Variants in CWC27 observed in about 807,000 individuals in gnomAD.
The protein encoded by CWC27 is spliceosome-associated protein CWC27 homolog.
CWC27 carries 47 observed loss-of-function variants against 63.6 expected under a neutral mutation model. The ratio of observed to expected loss-of-function variants is 0.74; its 90% CI spans 0.58 to 0.94. The LOEUF is 0.94. Ranked by LOEUF, CWC27 falls within the 40% of genes least tolerant of loss-of-function variation. The pLI is 0.00. For missense variants in CWC27, 495 were observed against 554.3 expected (o/e 0.89, Z 1.07); for synonymous variants, 175 against 179.8 (o/e 0.97, Z 0.22).
intron 1 of CWC27, among the ~76,000 whole-genome samples, chr5:64,771,792 A>G (rs1448793380): frequency 6.6e-6 from 1 of 152,214 alleles, no homozygotes; most frequent in East Asian, 1.9e-4. Context: ...AAGAGAATGT[A>G]TGGCCAGAGG....
rs773105523 is a variant in CWC27 at position 65,018,345 on chromosome 5, C to A, written c.*24C>A. The A allele has an allele frequency of 6.4e-7, 1 of 1,568,786 alleles. No homozygotes were observed. Among genetic ancestry groups the A allele is most frequent in the Admixed American group, 1.9e-5 (1 of 52,300 alleles). On this transcript the variant is annotated 3_prime_UTR_variant, in exon 14 of 14. Coordinates refer to ENST00000381070, the MANE Select transcript of CWC27 (RefSeq NM_005869.4). ...AAAATGAGAATAATGATAACCAGAA[C>A]TTGCTGGAAATGTGCCTACAATGGC... is the stretch of plus-strand genomic sequence containing the variant.
intron 1 of CWC27, among the ~76,000 whole-genome samples, chr5:64,771,066 C>T (rs1298960645): frequency 6.6e-6 from 1 of 152,096 alleles, no homozygotes; most frequent in Non-Finnish European, 1.5e-5. Flanking sequence ...TGTTTAATTA[C>T]AAAATGTGAT....
At chr5:64,860,432 C>T (rs887703221) in intron 10 of CWC27, among the ~76,000 whole-genome samples, 1 of 152,138 alleles carries the variant, frequency 6.6e-6, no homozygotes, top group African/African-American at 2.4e-5. Flanking sequence ...ATGAACTGCC[C>T]TTGGTTTGAT....
At chr5:64,787,854 C>G (rs1189995312) in intron 6 of CWC27, among the ~76,000 whole-genome samples, 1 of 152,056 alleles carries the variant, frequency 6.6e-6, no homozygotes, top group Non-Finnish European at 1.5e-5. Flanking sequence ...ATTAAACTTT[C>G]TAAGCTTCAG....
intron 11 of CWC27, among the ~76,000 whole-genome samples, chr5:64,918,295 T>C (rs745726237): frequency 6.6e-6 from 1 of 152,160 alleles, no homozygotes; most frequent in Non-Finnish European, 1.5e-5. Context: ...ATTGGGAAGA[T>C]GTGGTCAAAG....
At chr5:64,911,889 A>G (rs939219183) in intron 11 of CWC27, among the ~76,000 whole-genome samples, 6 of 152,054 alleles carry the variant, frequency 3.9e-5, no homozygotes, top group Non-Finnish European at 8.8e-5. Flanking sequence ...CCTGGCTAAC[A>G]TGGTGAAACC....
rs1163117073 is a variant in CWC27 at position 64,928,560 on chromosome 5, G to A, written c.1042+43014G>A. ...TTCTTTGTAAGTAAGTGGGAAAAAA[G>A]CCAAGTGCACAACAAAGTGTGACAC... is the stretch of plus-strand genomic sequence containing the variant. On this transcript the variant is annotated intron_variant, in intron 11 of 13. Coordinates refer to ENST00000381070, the MANE Select transcript of CWC27 (RefSeq NM_005869.4). 2.0e-5 allele frequency among the ~76,000 whole-genome samples: 3 copies of A among 151,288 alleles called. No homozygotes were observed. In the South Asian group the frequency reaches 6.2e-4, roughly 31 times the overall value.
intron 10 of CWC27, among the ~76,000 whole-genome samples, chr5:64,822,651 A>T (rs1170621712): frequency 6.6e-6 from 1 of 152,184 alleles, no homozygotes; most frequent in Middle Eastern, 3.2e-3. Context: ...TGTATAATAA[A>T]CTGTAAATAC....
At chr5:64,909,778 A>T (rs143388128) in intron 11 of CWC27, among the ~76,000 whole-genome samples, 78 of 152,304 alleles carry the variant, frequency 5.1e-4, no homozygotes, top group Middle Eastern at 3.4e-3. Flanking sequence ...CAGCTCCTTC[A>T]GGGCATTTAA....
chr5:64,796,413 C>A (rs527840250), intron 7 of CWC27, among the ~76,000 whole-genome samples: 16 of 152,128 alleles, frequency 1.1e-4, no homozygotes, highest in African/African-American at 3.9e-4. Context: ...AATACACAGG[C>A]TGGAAACTCA....
intron 1 of CWC27, among the ~76,000 whole-genome samples, chr5:64,769,942 GTC>G (rs1417080000): frequency 1.3e-5 from 2 of 152,162 alleles, no homozygotes; most frequent in Non-Finnish European, 2.9e-5. Context: ...AGGCAGAAGA[GTC>G]TGTTGTGGAA....
chr5:64,859,756 T>C (rs1293227140), intron 10 of CWC27, among the ~76,000 whole-genome samples: 1 of 152,194 alleles, frequency 6.6e-6, no homozygotes, highest in Non-Finnish European at 1.5e-5. Flanking sequence ...TTTCTTAAGA[T>C]CCTCTCCTAT....
At chr5:65,008,373 A>G (rs1364408296) in intron 13 of CWC27, among the ~76,000 whole-genome samples, 1 of 152,240 alleles carries the variant, frequency 6.6e-6, no homozygotes, top group African/African-American at 2.4e-5. Flanking sequence ...CCAGTCAGAT[A>G]GATGCCTAAG....
chr5:64,905,942 C>A (rs1292007541), intron 11 of CWC27, among the ~76,000 whole-genome samples: 1 of 152,004 alleles, frequency 6.6e-6, no homozygotes. Context: ...GGTTTTCTGT[C>A]CTTGTGATAG....
chr5:64,827,062 A>G (rs1745382290), intron 10 of CWC27, among the ~76,000 whole-genome samples: 1 of 152,164 alleles, frequency 6.6e-6, no homozygotes, highest in Admixed American at 6.5e-5. Context: ...AAACAAGCGC[A>G]TTGAAAGAAA....
At chr5:64,878,405 AT>A (rs1386039142) in intron 10 of CWC27, among the ~76,000 whole-genome samples, 1 of 142,456 alleles carries the variant, frequency 7.0e-6, no homozygotes, top group African/African-American at 2.6e-5. Flanking sequence ...GTTGTAGTAT[AT>A]TTTGAATATA....
chr5:65,018,608 CTGTTT>C lies in CWC27; in HGVS notation c.*288_*292del. The C allele has an allele frequency of 5.1e-6, 1 of 197,836 alleles. No individual in the cohort carries two copies. Among genetic ancestry groups the C allele is most frequent in the Non-Finnish European group, 1.0e-5 (1 of 98,188 alleles). 12.3% of individuals were successfully genotyped at this position (197,836 alleles called of 1,614,324 possible). Reference sequence around the variant, plus strand: ...ATGTTAACCATTGCAGACTGCAAGCCTGTTTGTGTCCTTTTACCCTAAAATATATG... The same window carrying C: ...ATGTTAACCATTGCAGACTGCAAGCCGTGTCCTTTTACCCTAAAATATATG... On this transcript the variant is annotated 3_prime_UTR_variant, in exon 14 of 14. Transcript: ENST00000381070.
chr5:64,866,486 A>G (rs1417809532), intron 10 of CWC27, among the ~76,000 whole-genome samples: 4 of 152,072 alleles, frequency 2.6e-5, no homozygotes, highest in East Asian at 1.9e-4. Context: ...TTTAGGGTAG[A>G]AGGTTATGTT....
At chr5:64,889,572 C>A (rs1747171382) in intron 11 of CWC27, among the ~76,000 whole-genome samples, 1 of 152,138 alleles carries the variant, frequency 6.6e-6, no homozygotes, top group African/African-American at 2.4e-5. Flanking sequence ...AAAATACTTA[C>A]TAATATAATT....
Sources: allele counts gnomAD v4.1 joint callset (sites outside exome capture counted in the v4.1 genomes callset), GRCh38; gene constraint gnomAD v4.1.1; transcripts MANE v1.5; gene names NCBI Gene and HGNC (gene_info 2026-07-23, HGNC 2026-07-21).